Variants in WWOX observed in about 807,000 individuals in gnomAD.
WWOX encodes the protein WW domain-containing oxidoreductase.
WWOX carries 69 observed loss-of-function variants against 46.2 expected under a neutral mutation model. The ratio of observed to expected loss-of-function variants is 1.49; its 90% CI spans 1.23 to 1.82. The LOEUF is 1.82. Ranked by LOEUF, WWOX falls within the 40% of genes most tolerant of loss-of-function variation. WWOX has a pLI of 0.00. For missense variants in WWOX, 919 were observed against 542.6 expected (o/e 1.69, Z -6.89); for synonymous variants, 359 against 202.6 (o/e 1.77, Z -6.56).
intron 8 of WWOX, among the ~76,000 whole-genome samples, chr16:78,786,914 G>A (rs1258366985): frequency 6.6e-6 from 1 of 152,222 alleles, no homozygotes; most frequent in East Asian, 1.9e-4. Flanking sequence ...TTGGGAGGCT[G>A]AGGTGGGTGG....
At chr16:78,392,849 C>T (rs549758646) in intron 6 of WWOX, among the ~76,000 whole-genome samples, 33 of 152,274 alleles carry the variant, frequency 2.2e-4, no homozygotes, top group African/African-American at 7.9e-4. Flanking sequence ...TCTGCCCACT[C>T]TCTGTTTACT....
chr16:78,292,792 C>T (rs35954763), intron 5 of WWOX, among the ~76,000 whole-genome samples: 12,259 of 152,142 alleles, frequency 0.081, 860 homozygotes, highest in East Asian at 0.18. Flanking sequence ...TCACACAGAT[C>T]TTATTTGTAG....
intron 8 of WWOX, among the ~76,000 whole-genome samples, chr16:78,650,491 A>G (rs2046942918): frequency 6.6e-6 from 1 of 152,056 alleles, no homozygotes; most frequent in African/African-American, 2.4e-5. Flanking sequence ...AATGCTTGAG[A>G]TTTGCCCTGT....
intron 4 of WWOX, among the ~76,000 whole-genome samples, chr16:78,156,394 C>G (rs1055805447): frequency 6.6e-6 from 1 of 152,166 alleles, no homozygotes; most frequent in Non-Finnish European, 1.5e-5. Context: ...TGAGCAGTAT[C>G]TTTGCAGGAT....
chr16:78,930,314 C>T (rs2045596138), intron 8 of WWOX, among the ~76,000 whole-genome samples: 2 of 137,128 alleles, frequency 1.5e-5, no homozygotes, highest in African/African-American at 5.3e-5. Context: ...GGGTCTCCTC[C>T]ACACCCAGAC....
intron 8 of WWOX, among the ~76,000 whole-genome samples, chr16:78,857,824 G>A (rs2052602111): frequency 6.6e-6 from 1 of 152,100 alleles, no homozygotes; most frequent in Non-Finnish European, 1.5e-5. Flanking sequence ...AATTGTTTTT[G>A]GTTATTTTGA....
At position 79,212,327 on chromosome 16, in the gene WWOX, T is replaced by C. The variant is rs1597489747; in HGVS notation, c.*531T>C. On this transcript the variant is annotated 3_prime_UTR_variant, in exon 9 of 9. Transcript: ENST00000566780. ...TGGGGAGACAAATCTCAGAACCTTG[T>C]CCCAGCCAGTGAGGATGACAGTGAC... 1 of 755,376 alleles carries C rather than the reference T, an allele frequency of 1.3e-6. No homozygotes were observed. The allele number at this position is 755,376 out of a possible 1,614,324, so 46.8% of individuals were successfully genotyped here.
At chr16:78,385,059 A>C (rs1339988902) in intron 5 of WWOX, among the ~76,000 whole-genome samples, 1 of 151,856 alleles carries the variant, frequency 6.6e-6, no homozygotes, top group East Asian at 1.9e-4. Context: ...GCTTGAGCCC[A>C]GGAAGTGGAG....
intron 8 of WWOX, among the ~76,000 whole-genome samples, chr16:79,180,436 A>G (rs1162349842): frequency 6.6e-6 from 1 of 152,196 alleles, no homozygotes; most frequent in Non-Finnish European, 1.5e-5. Context: ...CCCATTATAA[A>G]ATGGACATAA....
chr16:78,329,061 A>G (rs150455882), intron 5 of WWOX, among the ~76,000 whole-genome samples: 4 of 152,152 alleles, frequency 2.6e-5, no homozygotes, highest in Non-Finnish European at 4.4e-5. Context: ...AGGTTTCAGC[A>G]TGTTCGCCAG....
chr16:78,624,951 C>T (rs1160123298), intron 8 of WWOX, among the ~76,000 whole-genome samples: 2 of 152,180 alleles, frequency 1.3e-5, no homozygotes, highest in East Asian at 1.9e-4. Flanking sequence ...AGGGTAAGAA[C>T]ATCATGGCCC....
At chr16:79,166,248 A>C (rs537539403) in intron 8 of WWOX, among the ~76,000 whole-genome samples, 45 of 152,220 alleles carry the variant, frequency 3.0e-4, no homozygotes, top group Non-Finnish European at 4.9e-4. Context: ...TCCCCACCTC[A>C]TTCCCCTCAC....
intron 8 of WWOX, among the ~76,000 whole-genome samples, chr16:78,823,713 A>G (rs1339376214): frequency 2.0e-5 from 3 of 152,024 alleles, no homozygotes; most frequent in Non-Finnish European, 4.4e-5. Context: ...GCTGATATGC[A>G]TGTCTTAACT....
At chr16:79,111,112 A>C (rs1300804480) in intron 8 of WWOX, among the ~76,000 whole-genome samples, 1 of 152,158 alleles carries the variant, frequency 6.6e-6, no homozygotes, top group African/African-American at 2.4e-5. Flanking sequence ...GGGTGTCCCA[A>C]GACTCAATGG....
At chr16:78,883,001 C>G (rs904591511) in intron 8 of WWOX, among the ~76,000 whole-genome samples, 1 of 152,056 alleles carries the variant, frequency 6.6e-6, no homozygotes, top group Non-Finnish European at 1.5e-5. Flanking sequence ...TTTGGCTGCT[C>G]CCGACACAAG....
At chr16:78,637,314 G>A (rs2046595963) in intron 8 of WWOX, among the ~76,000 whole-genome samples, 1 of 151,874 alleles carries the variant, frequency 6.6e-6, no homozygotes, top group African/African-American at 2.4e-5. Flanking sequence ...TGGTGGTGGG[G>A]ACCTATAATC....
chr16:78,463,683 G>C (rs1363952628), intron 8 of WWOX, among the ~76,000 whole-genome samples: 1 of 152,132 alleles, frequency 6.6e-6, no homozygotes, highest in East Asian at 1.9e-4. Context: ...AGAATCTGTT[G>C]GCTGATACTC....
chr16:78,385,939 A>T (rs1205805234), intron 5 of WWOX, among the ~76,000 whole-genome samples: 1 of 152,200 alleles, frequency 6.6e-6, no homozygotes, highest in African/African-American at 2.4e-5. Context: ...TGGCCCATAC[A>T]CAGAAGGCTA....
At chr16:78,647,881 G>C (rs914997779) in intron 8 of WWOX, among the ~76,000 whole-genome samples, 4 of 151,850 alleles carry the variant, frequency 2.6e-5, no homozygotes, top group Non-Finnish European at 5.9e-5. Flanking sequence ...CTCTCACTCT[G>C]AGTATTTAGA....
Sources: allele counts gnomAD v4.1 joint callset (sites outside exome capture counted in the v4.1 genomes callset), GRCh38; gene constraint gnomAD v4.1.1; transcripts MANE v1.5; gene names NCBI Gene and HGNC (gene_info 2026-07-23, HGNC 2026-07-21).